The following ZNF423 variants were observed in gnomAD, a reference collection of about 807,000 sequenced individuals.
ZNF423 encodes the protein Ebf-associated zinc finger protein.
A neutral mutation model predicts 95.8 loss-of-function variants in ZNF423; 12 were observed. The observed-to-expected ratio is 0.13, with a 90% CI of 0.08 to 0.20. The LOEUF (loss-of-function observed/expected upper bound fraction) is 0.20. Ranked by LOEUF, ZNF423 falls within the 10% of genes least tolerant of loss-of-function variation. The pLI, the probability that ZNF423 is intolerant of heterozygous loss-of-function variation, is 1.00. For synonymous variants in ZNF423, 749 were observed against 711.9 expected (o/e 1.05, Z -0.83); for missense variants, 1,316 against 1,737.1 (o/e 0.76, Z 4.31).
chr16:49,587,351 C>A (rs1970875056), intron 5 of ZNF423, among the ~76,000 whole-genome samples: 1 of 152,168 alleles, frequency 6.6e-6, no homozygotes, highest in Non-Finnish European at 1.5e-5. Flanking sequence ...CCAGATGAAG[C>A]CTCTTTGGCA....
intron 1 of ZNF423, among the ~76,000 whole-genome samples, chr16:49,793,288 C>T (rs1472148007): frequency 6.6e-6 from 1 of 152,218 alleles, no homozygotes; most frequent in Non-Finnish European, 1.5e-5. Flanking sequence ...CCCCAACCCA[C>T]ACTGGCAGCA....
chr16:49,718,758 TG>T (rs1444419922), intron 3 of ZNF423, among the ~76,000 whole-genome samples: 1 of 152,148 alleles, frequency 6.6e-6, no homozygotes, highest in African/African-American at 2.4e-5. Flanking sequence ...TGGAAGGAGC[TG>T]GGCAGTCCTC....
rs1292926403 is a variant in ZNF423 at position 49,784,765 on chromosome 16, C to T, written c.100+4722G>A. 2.0e-5 allele frequency among the ~76,000 whole-genome samples: 3 copies of T among 152,144 alleles called. No homozygotes were observed. The East Asian group carries it at 5.8e-4, about 29-fold the overall frequency. On this transcript the variant is annotated intron_variant, in intron 2 of 7. Transcript: ENST00000563137. Reference sequence around the variant, plus strand: ...AGGAGTTCAAGACCAGCCTGGCCAACATGGTGAAACCCTGTCTCTACTAAA... The same window carrying T: ...AGGAGTTCAAGACCAGCCTGGCCAATATGGTGAAACCCTGTCTCTACTAAA...
intron 5 of ZNF423, among the ~76,000 whole-genome samples, chr16:49,569,328 C>A (rs946542888): frequency 2.6e-5 from 4 of 152,208 alleles, no homozygotes; most frequent in Admixed American, 6.5e-5. Context: ...ACATACGAAT[C>A]CTCCAAGACT....
intron 5 of ZNF423, among the ~76,000 whole-genome samples, chr16:49,555,950 C>T (rs957723720): frequency 6.6e-6 from 1 of 152,094 alleles, no homozygotes; most frequent in African/African-American, 2.4e-5. Context: ...TTCCTTAACC[C>T]AATGCCTCAG....
chr16:49,688,790 G>A (rs886654326), intron 3 of ZNF423, among the ~76,000 whole-genome samples: 15 of 152,226 alleles, frequency 9.9e-5, no homozygotes, highest in Admixed American at 7.9e-4. Context: ...TGTGGTGGGT[G>A]GGGAGCAGAA....
At chr16:49,842,468 C>T in intron 1 of ZNF423, among the ~76,000 whole-genome samples, 1 of 150,910 alleles carries the variant, frequency 6.6e-6, no homozygotes, top group East Asian at 2.0e-4. Flanking sequence ...CATAAAAGGC[C>T]AGGTGTGGTG....
intron 3 of ZNF423, among the ~76,000 whole-genome samples, chr16:49,716,439 G>A (rs763931434): frequency 2.6e-5 from 4 of 152,066 alleles, no homozygotes; most frequent in East Asian, 1.9e-4. Context: ...GAGCCACCTC[G>A]CCTGCCTCAG....
At chr16:49,601,290 A>G (rs971963686) in intron 5 of ZNF423, among the ~76,000 whole-genome samples, 9 of 152,194 alleles carry the variant, frequency 5.9e-5, no homozygotes, top group African/African-American at 2.2e-4. Flanking sequence ...CACCTTGGGC[A>G]GGTCACTTCA....
chr16:49,621,352 C>T (rs952696282), intron 5 of ZNF423, among the ~76,000 whole-genome samples: 14 of 152,172 alleles, frequency 9.2e-5, no homozygotes, highest in African/African-American at 3.1e-4. Context: ...AAGACCCTCG[C>T]CTTTCTATCA....
chr16:49,556,331 C>G (rs542188097), intron 5 of ZNF423, among the ~76,000 whole-genome samples: 50 of 152,284 alleles, frequency 3.3e-4, no homozygotes, highest in African/African-American at 1.1e-3. Flanking sequence ...CCCTCTTCTC[C>G]AAAGCCCTCC....
intron 7 of ZNF423, among the ~76,000 whole-genome samples, chr16:49,493,402 G>A (rs540129223): frequency 3.9e-5 from 6 of 152,234 alleles, no homozygotes; most frequent in Non-Finnish European, 4.4e-5. Flanking sequence ...ACAGGGTGGC[G>A]GCACCTCCTT....
intron 1 of ZNF423, among the ~76,000 whole-genome samples, chr16:49,837,474 GC>G (rs1302539967): frequency 1.3e-5 from 2 of 152,148 alleles, no homozygotes; most frequent in Non-Finnish European, 2.9e-5. Flanking sequence ...TAAGCACAAG[GC>G]CCCGGTGGCT....
intron 1 of ZNF423, among the ~76,000 whole-genome samples, chr16:49,822,986 G>A (rs999434501): frequency 2.6e-5 from 4 of 152,204 alleles, no homozygotes; most frequent in Non-Finnish European, 5.9e-5. Context: ...GTATGGCCCA[G>A]AGGTCAGGAT....
At chr16:49,770,917 G>A (rs2034021282) in intron 2 of ZNF423, among the ~76,000 whole-genome samples, 1 of 152,180 alleles carries the variant, frequency 6.6e-6, no homozygotes, top group African/African-American at 2.4e-5. Context: ...GCAGCAGGAG[G>A]CCATGGCTTC....
At chr16:49,663,733 A>G (rs1050186883) in intron 3 of ZNF423, among the ~76,000 whole-genome samples, 1 of 152,058 alleles carries the variant, frequency 6.6e-6, no homozygotes, top group African/African-American at 2.4e-5. Flanking sequence ...CAGGAGGTCA[A>G]TGGGTGGGGC....
At chr16:49,495,944 A>G (rs187179110) in intron 7 of ZNF423, among the ~76,000 whole-genome samples, 113 of 152,268 alleles carry the variant, frequency 7.4e-4, no homozygotes, top group Non-Finnish European at 1.4e-3. Context: ...CAAGTGGGAG[A>G]GACGTGAGGG....
intron 5 of ZNF423, among the ~76,000 whole-genome samples, chr16:49,575,675 C>T (rs1970474542): frequency 6.6e-6 from 1 of 152,210 alleles, no homozygotes; most frequent in South Asian, 2.1e-4. Context: ...ACCGTGCTAC[C>T]TCCGGCAGCA....
chr16:49,511,258 C>T (rs748332082), intron 7 of ZNF423, among the ~76,000 whole-genome samples: 10 of 152,232 alleles, frequency 6.6e-5, no homozygotes, highest in African/African-American at 2.2e-4. Flanking sequence ...GCCCCGGGAG[C>T]TGCATGCAGC....
Sources: allele counts gnomAD v4.1 joint callset (sites outside exome capture counted in the v4.1 genomes callset), GRCh38; gene constraint gnomAD v4.1.1; transcripts MANE v1.5; gene names NCBI Gene and HGNC (gene_info 2026-07-23, HGNC 2026-07-21).